SYT16: variants seen among roughly 807,000 people sequenced by gnomAD.
SYT16 encodes synaptotagmin-16.
SYT16 carries 42 observed loss-of-function variants against 61.4 expected under a neutral mutation model. The ratio of observed to expected loss-of-function variants is 0.68; its 90% CI spans 0.53 to 0.89. The LOEUF is 0.89. SYT16 is among the 40% of genes least tolerant of loss of function. The pLI is 0.00. For synonymous variants in SYT16, 314 were observed against 302.3 expected (o/e 1.04, Z -0.40); for missense variants, 804 against 807.3 (o/e 1.00, Z 0.05).
chr14:62,040,468 A>G (rs947206926), intron 3 of SYT16, among the ~76,000 whole-genome samples: 3 of 152,134 alleles, frequency 2.0e-5, no homozygotes, highest in Non-Finnish European at 2.9e-5. Flanking sequence ...CCAGATTTAT[A>G]TTTGGTATTT....
intron 4 of SYT16, among the ~76,000 whole-genome samples, chr14:62,070,255 G>A (rs2056248446): frequency 6.6e-6 from 1 of 152,140 alleles, no homozygotes; most frequent in South Asian, 2.1e-4. Flanking sequence ...ATATTTTGAA[G>A]CCTTTCTTCT....
At chr14:62,037,437 G>A (rs2054554683) in intron 3 of SYT16, among the ~76,000 whole-genome samples, 1 of 152,112 alleles carries the variant, frequency 6.6e-6, no homozygotes, top group African/African-American at 2.4e-5. Flanking sequence ...CACATAATTA[G>A]CTTGTGTCTT....
intron 4 of SYT16, among the ~76,000 whole-genome samples, chr14:62,071,657 G>C (rs2056304735): frequency 1.3e-5 from 2 of 152,056 alleles, no homozygotes; most frequent in Admixed American, 1.3e-4. Flanking sequence ...ATTTTTTTCA[G>C]TGGTAAAGAA....
At chr14:61,858,120 CAAAAAAAAAAAAA>C (rs34781118) in intron 1 of SYT16, among the ~76,000 whole-genome samples, 5 of 43,232 alleles carry the variant, frequency 1.2e-4, no homozygotes, top group Non-Finnish European at 2.2e-4. Context: ...CACAGCTTGG[CAAAAAAAAAAAAA>C]AAAAAAAAAA....
chr14:61,851,844 C>G (rs1170610145), intron 1 of SYT16, among the ~76,000 whole-genome samples: 1 of 152,166 alleles, frequency 6.6e-6, no homozygotes, highest in African/African-American at 2.4e-5. Context: ...CAAAAATTTT[C>G]TTCCATTCTG....
intron 2 of SYT16, among the ~76,000 whole-genome samples, chr14:61,989,166 C>G (rs1055268757): frequency 6.6e-6 from 1 of 152,058 alleles, no homozygotes; most frequent in Non-Finnish European, 1.5e-5. Flanking sequence ...GTGGTATTAG[C>G]TCATTAGGGA....
intron 4 of SYT16, among the ~76,000 whole-genome samples, chr14:62,072,848 A>C (rs1168823461): frequency 6.6e-6 from 1 of 152,186 alleles, no homozygotes; most frequent in Non-Finnish European, 1.5e-5. Context: ...TTATTCCATC[A>C]AAGTGGGATA....
intron 7 of SYT16, among the ~76,000 whole-genome samples, chr14:62,095,553 G>A (rs2057245266): frequency 6.6e-6 from 1 of 151,506 alleles, no homozygotes; most frequent in South Asian, 2.1e-4. Flanking sequence ...GAAAATTATA[G>A]AAAAACAACA....
At chr14:61,907,058 C>T (rs1241852912) in intron 1 of SYT16, among the ~76,000 whole-genome samples, 1 of 152,174 alleles carries the variant, frequency 6.6e-6, no homozygotes, top group Non-Finnish European at 1.5e-5. Flanking sequence ...AAAGCCTAGT[C>T]GAGGCAGAGA....
chr14:61,859,511 C>T (rs191435617), intron 1 of SYT16, among the ~76,000 whole-genome samples: 9 of 152,048 alleles, frequency 5.9e-5, no homozygotes, highest in Middle Eastern at 3.4e-3. Context: ...CCATCTTTTC[C>T]GCTCGGAAAA....
chr14:62,078,941 A>G (rs2140968198), intron 5 of SYT16, among the ~76,000 whole-genome samples: 1 of 152,356 alleles, frequency 6.6e-6, no homozygotes, highest in South Asian at 2.1e-4. Context: ...GGCCAAGAAG[A>G]TCTGAAGTGT....
At position 62,106,687 on chromosome 14, in the gene SYT16, A is replaced by T. The variant is rs2057519399; in HGVS notation, c.*5980A>T. 1 of 152,142 alleles carries T rather than the reference A, an allele frequency of 6.6e-6. No individual in the cohort carries two copies. Among genetic ancestry groups the T allele is most frequent in the African/African-American group, 2.4e-5 (1 of 41,426 alleles). The allele number at this position is 152,142 out of a possible 1,614,324, so 9.4% of individuals were successfully genotyped here. A position where few individuals can be genotyped will look rare whatever the true frequency, so the allele number is the denominator to read the frequency against. On this transcript the variant is annotated 3_prime_UTR_variant, in exon 8 of 8. Coordinates refer to ENST00000683842, the MANE Select transcript of SYT16 (RefSeq NM_001367656.1). Reference sequence around the variant, plus strand: ...AAGAGTTCCTATTTGGGTTTTGTTTAGGGCTTTGGGGATGCCTGCAGGCTC... The same window carrying T: ...AAGAGTTCCTATTTGGGTTTTGTTTTGGGCTTTGGGGATGCCTGCAGGCTC...
At chr14:62,010,710 A>C (rs2053412239) in intron 3 of SYT16, among the ~76,000 whole-genome samples, 1 of 152,168 alleles carries the variant, frequency 6.6e-6, no homozygotes, top group Non-Finnish European at 1.5e-5. Flanking sequence ...TATTATTTCA[A>C]AAATTGTTTG....
rs772362826 is a variant in SYT16 at position 62,100,463 on chromosome 14, G to A, written c.1694G>A (p.Arg565Gln). 14 of 1,613,268 alleles carry A rather than the reference G, an allele frequency of 8.7e-6. No homozygotes were observed. Among genetic ancestry groups the A allele is most frequent in the South Asian group, 4.4e-5 (4 of 90,944 alleles). The change falls in exon 8 of 8, where the codon CGG becomes CAG. Residue 565 changes from arginine to glutamine, a missense_variant. Transcript: ENST00000683842. The stretch of plus-strand genomic sequence containing the variant: ...ATGTCCCGTTGCAAGACGTCCATTC[G>A]GCGTGGTCAGCCCAATCCTGTCTAT... ...QEMSRCKTSIRRGQPNPVYKE... is the reference protein window; with the variant it reads ...QEMSRCKTSIQRGQPNPVYKE...
chr14:62,102,062 G>A lies in SYT16; in HGVS notation c.*1355G>A, dbSNP rs953699356. ...TACATTTAATCCCTGCGCTCAATGT[G>A]CAGCTCTTCTGAGCAATTGCTCAGT... On this transcript the variant is annotated 3_prime_UTR_variant, in exon 8 of 8. Coordinates refer to ENST00000683842, the MANE Select transcript of SYT16 (RefSeq NM_001367656.1). 1.3e-4 allele frequency: 20 copies of A among 152,166 alleles called. No homozygotes were observed. Among genetic ancestry groups the A allele is most frequent in the Non-Finnish European group, 1.2e-4 (8 of 68,022 alleles). 9.4% of individuals were successfully genotyped at this position (152,166 alleles called of 1,614,324 possible).
chr14:61,969,527 TTAG>T (rs1394403665), intron 1 of SYT16, among the ~76,000 whole-genome samples: 9 of 152,310 alleles, frequency 5.9e-5, no homozygotes, highest in African/African-American at 1.9e-4. Context: ...TTCTAAAATA[TTAG>T]TAGTCAAAAC....
chr14:62,061,705 TA>T (rs1466573273), intron 3 of SYT16, among the ~76,000 whole-genome samples: 2 of 152,110 alleles, frequency 1.3e-5, no homozygotes, highest in African/African-American at 2.4e-5. Context: ...CACAAAATTG[TA>T]AGTGTGTATG....
intron 3 of SYT16, among the ~76,000 whole-genome samples, chr14:61,999,733 A>T (rs1430981365): frequency 6.6e-6 from 1 of 151,842 alleles, no homozygotes; most frequent in Non-Finnish European, 1.5e-5. Context: ...GTATCTAATA[A>T]GTATGAATGT....
At chr14:62,013,556 C>T (rs2053549437) in intron 3 of SYT16, among the ~76,000 whole-genome samples, 1 of 152,174 alleles carries the variant, frequency 6.6e-6, no homozygotes, top group South Asian at 2.1e-4. Flanking sequence ...CTCCCATGGG[C>T]ATGTTTTTTT....
Sources: allele counts gnomAD v4.1 joint callset (sites outside exome capture counted in the v4.1 genomes callset), GRCh38; gene constraint gnomAD v4.1.1; transcripts MANE v1.5; gene names NCBI Gene and HGNC (gene_info 2026-07-23, HGNC 2026-07-21).